DRC3: variants seen among roughly 807,000 people sequenced by gnomAD.
DRC3 encodes the protein leucine rich repeat containing 48.
A neutral mutation model predicts 57.6 loss-of-function variants in DRC3; 45 were observed. The observed-to-expected ratio is 0.78, with a 90% confidence interval of 0.62 to 1.00. DRC3 has a LOEUF of 1.00. DRC3 is among the 50% of genes least tolerant of loss of function. DRC3 has a pLI of 0.00. For missense variants in DRC3, 655 were observed against 675.2 expected (o/e 0.97, Z 0.33); for synonymous variants, 257 against 272.3 (o/e 0.94, Z 0.55).
chr17:18,011,303 C>G (rs903458850), intron 12 of DRC3: 3 of 344,944 alleles, frequency 8.7e-6, no homozygotes, highest in African/African-American at 6.7e-5. Flanking sequence ...CAGACCTGCC[C>G]CAGCCAGCGC....
At position 17,997,616 on chromosome 17, in the gene DRC3, C is replaced by G. The variant is rs563141191; in HGVS notation, c.981C>G (p.Phe327Leu). ...AGGGCAAACGCAAGATTGCCAAATT[C>G]GAGGAGAAGCACTTGTCGGTAGGCC... is the stretch of plus-strand genomic sequence containing the variant. Reference protein sequence around the residue: ...QEQGKRKIAKFEEKHLSSLSA... With the variant: ...QEQGKRKIAKLEEKHLSSLSA... The change falls in exon 9 of 14, where the codon TTC (phenylalanine) becomes TTG (leucine). Residue 327 changes from phenylalanine to leucine, a missense_variant. Transcript: ENST00000399187. The G allele has an allele frequency of 1.2e-6, 2 of 1,607,622 alleles. No homozygotes were observed. The highest frequency in any genetic ancestry group is 1.1e-5 in the South Asian group (1 of 89,956).
intron 7 of DRC3, among the ~76,000 whole-genome samples, chr17:17,994,734 C>G (rs2043387537): frequency 1.3e-5 from 2 of 152,230 alleles, no homozygotes; most frequent in South Asian, 4.1e-4. Flanking sequence ...CCAGGAACGG[C>G]TCAGGTCCTG....
intron 3 of DRC3, among the ~76,000 whole-genome samples, chr17:17,982,235 A>T: frequency 5.9e-5 from 6 of 102,358 alleles, no homozygotes; most frequent in Admixed American, 1.1e-4. Context: ...TTTTTTTTTG[A>T]GATGGAGTCT....
chr17:17,988,824 G>C (rs1426424950), intron 5 of DRC3, among the ~76,000 whole-genome samples: 1 of 152,140 alleles, frequency 6.6e-6, no homozygotes, highest in African/African-American at 2.4e-5. Flanking sequence ...AGTTGTGACT[G>C]GTATGTAAGT....
At chr17:18,004,300 C>T in intron 9 of DRC3, 63 bp from the exon 10 acceptor site, 1 of 1,530,562 alleles carries the variant, frequency 6.5e-7, no homozygotes. Flanking sequence ...AACCAAATTG[C>T]CACCTGCCAT....
chr17:17,991,048 G>A (rs2043202849), intron 5 of DRC3, among the ~76,000 whole-genome samples: 1 of 152,072 alleles, frequency 6.6e-6, no homozygotes, highest in African/African-American at 2.4e-5. Flanking sequence ...TAAAATATGT[G>A]CTCTTGCCAT....
In DRC3 at chr17:18,016,636, C is replaced by T. The variant is rs1221878281; in HGVS notation, c.1537C>T (p.Leu513=). The part of the protein sequence containing the change: ...NQYIDHMQSE[L]DNLECGDILD Reference sequence around the variant, plus strand: ...GTACATCGACCACATGCAGAGCGAACTGGACAACCTGGAATGTGGCGACAT... The same window carrying T: ...GTACATCGACCACATGCAGAGCGAATTGGACAACCTGGAATGTGGCGACAT... Residue 513 remains leucine (L), a synonymous_variant, in exon 14 of 14, where the codon CTG becomes TTG. Coordinates refer to ENST00000399187, the MANE Select transcript of DRC3 (RefSeq NM_031294.4). The T allele has an allele frequency of 1.9e-6, 3 of 1,613,544 alleles. No individual in the cohort carries two copies. In the African/African-American group the frequency reaches 4.0e-5, roughly 22 times the overall value.
chr17:17,973,350 T>C (rs1205257047), intron 1 of DRC3, among the ~76,000 whole-genome samples: 1 of 152,204 alleles, frequency 6.6e-6, no homozygotes. Context: ...TCAAATGATT[T>C]CATCTTGGTA....
At chr17:18,015,194 G>C (rs1424561384) in intron 12 of DRC3, 2 of 152,124 alleles carry the variant, frequency 1.3e-5, no homozygotes, top group Admixed American at 6.5e-5. Flanking sequence ...ACTTTTTTTG[G>C]CAGAAATATT....
chr17:17,975,182 T>C (rs1199925579), intron 2 of DRC3, among the ~76,000 whole-genome samples: 3 of 151,410 alleles, frequency 2.0e-5, no homozygotes, highest in Non-Finnish European at 2.9e-5. Flanking sequence ...GAAATCAAAA[T>C]TAAGAGTCAT....
At chr17:18,010,145 G>A (rs1027125413) in intron 12 of DRC3, among the ~76,000 whole-genome samples, 7 of 152,202 alleles carry the variant, frequency 4.6e-5, no homozygotes, top group Non-Finnish European at 7.3e-5. Flanking sequence ...GCAGTCTCTG[G>A]ACAGGGAGAC....
intron 12 of DRC3, chr17:18,015,112 CT>C: frequency 6.6e-6 from 1 of 152,226 alleles, no homozygotes; most frequent in Non-Finnish European, 1.5e-5. Flanking sequence ...CTTCAGAATA[CT>C]TTGTGCCCAG....
chr17:17,979,393 T>C (rs924028453), intron 3 of DRC3, among the ~76,000 whole-genome samples: 2 of 151,524 alleles, frequency 1.3e-5, no homozygotes, highest in East Asian at 3.9e-4. Flanking sequence ...TGCGTGAGGA[T>C]AGACCGTGGA....
intron 5 of DRC3, chr17:17,989,493 G>C (rs942671151): frequency 2.6e-5 from 4 of 152,370 alleles, no homozygotes; most frequent in African/African-American, 4.8e-5. Context: ...AAAGGATACT[G>C]TACCTGCAGG....
At chr17:17,988,129 C>T in intron 5 of DRC3, 31 bp downstream of exon 5, 1 of 1,604,892 alleles carries the variant, frequency 6.2e-7, no homozygotes, top group South Asian at 1.1e-5. Context: ...CCCTCACGCA[C>T]ACCTGCAGAG....
intron 1 of DRC3, 77 bp from the exon 2 acceptor site, chr17:17,973,775 A>G (rs1406493106): frequency 2.6e-5 from 4 of 151,848 alleles, no homozygotes; most frequent in African/African-American, 7.3e-5. Flanking sequence ...CGCCCAACCA[A>G]TTTTCTCCTT....
intron 8 of DRC3, among the ~76,000 whole-genome samples, chr17:17,997,134 T>G (rs2043491287): frequency 1.3e-5 from 2 of 152,184 alleles, no homozygotes; most frequent in Non-Finnish European, 2.9e-5. Flanking sequence ...AGGCCTCTCT[T>G]CTGGGGCCTC....
intron 3 of DRC3, among the ~76,000 whole-genome samples, chr17:17,979,667 G>A (rs999947704): frequency 6.6e-6 from 1 of 152,184 alleles, no homozygotes; most frequent in Non-Finnish European, 1.5e-5. Flanking sequence ...GGCGTGTGTG[G>A]CAGAGCACCC....
intron 3 of DRC3, among the ~76,000 whole-genome samples, chr17:17,980,123 A>G (rs1489402683): frequency 6.6e-6 from 1 of 152,236 alleles, no homozygotes; most frequent in Non-Finnish European, 1.5e-5. Flanking sequence ...TGTCCTCCCC[A>G]GAACTTTGTG....
Sources: gnomAD v4.1 joint callset for allele counts (sites outside exome capture counted in the v4.1 genomes callset) on GRCh38, gnomAD v4.1.1 for gene constraint, MANE v1.5 for transcripts, NCBI Gene and HGNC (gene_info 2026-07-23, HGNC 2026-07-21) for gene names.